MYO1H: variants seen among roughly 807,000 people sequenced by gnomAD.
MYO1H encodes the protein unconventional myosin-Ih.
MYO1H carries 118 observed loss-of-function variants against 149.3 expected under a neutral mutation model. That is an observed-to-expected ratio of 0.79 (90% confidence interval 0.68 to 0.92). The LOEUF (loss-of-function observed/expected upper bound fraction) is 0.92. MYO1H is among the 40% of genes least tolerant of loss of function. MYO1H has a pLI of 0.00. For missense variants in MYO1H, 1,212 were observed against 1,280.7 expected, an observed-to-expected ratio of 0.95 and a Z score of 0.82; for synonymous variants, 447 against 465.2, an observed-to-expected ratio of 0.96 and a Z score of 0.50.
At chr12:109,364,223 C>CAGT (rs1453920453) in intron 1 of MYO1H, among the ~76,000 whole-genome samples, 1 of 149,818 alleles carries the variant, frequency 6.7e-6, no homozygotes, top group Non-Finnish European at 1.5e-5. Flanking sequence ...ATGGGCAATC[C>CAGT]AGTACCTGTA....
chr12:109,384,558 G>A (rs373097015), intron 1 of MYO1H, among the ~76,000 whole-genome samples: 1 of 152,000 alleles, frequency 6.6e-6, no homozygotes, highest in East Asian at 1.9e-4. Context: ...GGACACTCTC[G>A]TTTTCTCACG....
chr12:109,404,940 G>A (rs1010258171), intron 7 of MYO1H, among the ~76,000 whole-genome samples: 1 of 151,548 alleles, frequency 6.6e-6, no homozygotes, highest in African/African-American at 2.4e-5. Context: ...GCCAGGTGCA[G>A]TGGCTCACAC....
chr12:109,351,623 G>C (rs1420659577), intron 1 of MYO1H, among the ~76,000 whole-genome samples: 3 of 152,186 alleles, frequency 2.0e-5, no homozygotes, highest in Non-Finnish European at 4.4e-5. Flanking sequence ...GCACACAGTA[G>C]ATGCTCAGAA....
chr12:109,406,039 A>G lies in MYO1H; in HGVS notation c.963+4A>G. ...TGAGATCAAGTGGATAGCCAAGGTG[A>G]TGCTCCTCTTTTGGAGAGGACAGAA... On this transcript the variant is annotated splice_donor_region_variant and intron_variant, in intron 8 of 31. Coordinates refer to ENST00000310903, the Ensembl canonical transcript of MYO1H. 6.2e-7 allele frequency: 1 copy of G among 1,600,286 alleles called. No individual in the cohort carries two copies. The highest frequency in any genetic ancestry group is 8.6e-7 in the Non-Finnish European group (1 of 1,167,636).
At chr12:109,319,046 C>G in the MYO1H span, among the ~76,000 whole-genome samples, 1 of 122,662 alleles carries the variant, frequency 8.2e-6, no homozygotes, top group Non-Finnish European at 1.6e-5. Flanking sequence ...TGTATTTAAT[C>G]AAGAAAATGA....
chr12:109,440,608 TA>T, intron 24 of MYO1H, 135 bp from the exon 25 acceptor site: 1 of 674,382 alleles, frequency 1.5e-6, no homozygotes, highest in Non-Finnish European at 2.6e-6. Flanking sequence ...GCTGTGACTA[TA>T]AAATATAAAA....
At chr12:109,384,248 A>G (rs895669916) in intron 1 of MYO1H, among the ~76,000 whole-genome samples, 1 of 152,198 alleles carries the variant, frequency 6.6e-6, no homozygotes, top group Non-Finnish European at 1.5e-5. Flanking sequence ...GAACCCTGTA[A>G]CAGGCAGAAT....
At chr12:109,329,856 G>A in the MYO1H span, among the ~76,000 whole-genome samples, 9 of 152,320 alleles carry the variant, frequency 5.9e-5, no homozygotes, top group South Asian at 1.5e-3. Context: ...GTATGCATTT[G>A]TTCCTAGAAT....
chr12:109,443,580 A>T (rs1282418654), exon 28 of MYO1H: 1 of 1,613,662 alleles, frequency 6.2e-7, no homozygotes, highest in African/African-American at 1.3e-5. Context: ...ACTCATTCTT[A>T]CTCAGAAAGC....
At chr12:109,342,278 A>G in the MYO1H span, among the ~76,000 whole-genome samples, 7 of 150,892 alleles carry the variant, frequency 4.6e-5, no homozygotes, top group South Asian at 1.5e-3. Context: ...CCAAGTAGCT[A>G]GGACTACAGG....
At chr12:109,361,572 G>A (rs978259832) in intron 1 of MYO1H, among the ~76,000 whole-genome samples, 9 of 152,292 alleles carry the variant, frequency 5.9e-5, no homozygotes, top group African/African-American at 1.9e-4. Flanking sequence ...TTGGGAGGCC[G>A]AGGCAGGCAG....
exon 14 of MYO1H, chr12:109,411,973 C>T: frequency 1.3e-6 from 2 of 1,595,190 alleles, no homozygotes; most frequent in South Asian, 2.3e-5. Context: ...GGCAAACATG[C>T]ACACTTCGAA....
chr12:109,321,157 T>C, the MYO1H span, among the ~76,000 whole-genome samples: 5 of 152,302 alleles, frequency 3.3e-5, no homozygotes, highest in East Asian at 1.9e-4. Context: ...TAAAGACTTA[T>C]GTTCAACTAA....
At chr12:109,418,323 T>C (rs974787248) in intron 15 of MYO1H, among the ~76,000 whole-genome samples, 1 of 152,056 alleles carries the variant, frequency 6.6e-6, no homozygotes, top group African/African-American at 2.4e-5. Flanking sequence ...ACTTTTACTT[T>C]TGGTTTGAAA....
At chr12:109,318,134 G>GT in the MYO1H span, among the ~76,000 whole-genome samples, 9 of 152,102 alleles carry the variant, frequency 5.9e-5, no homozygotes, top group Non-Finnish European at 1.2e-4. Context: ...ACAAATTTAG[G>GT]TTATAACCCA....
chr12:109,369,615 T>C (rs535341173), intron 1 of MYO1H, among the ~76,000 whole-genome samples: 2 of 152,338 alleles, frequency 1.3e-5, no homozygotes, highest in East Asian at 3.9e-4. Context: ...ACAGGACATA[T>C]GGCCAGATAT....
chr12:109,355,127 A>G (rs1398170832), intron 1 of MYO1H, among the ~76,000 whole-genome samples: 1 of 152,084 alleles, frequency 6.6e-6, no homozygotes, highest in African/African-American at 2.4e-5. Flanking sequence ...GCAGAAGTCT[A>G]TCCTGGTGGT....
intron 1 of MYO1H, among the ~76,000 whole-genome samples, chr12:109,350,609 C>T (rs546639331): frequency 1.3e-5 from 2 of 152,180 alleles, no homozygotes; most frequent in South Asian, 4.2e-4. Flanking sequence ...TTATTAGCAG[C>T]GTGAAAACGA....
intron 15 of MYO1H, among the ~76,000 whole-genome samples, chr12:109,420,648 T>C (rs1160959057): frequency 2.0e-5 from 3 of 152,040 alleles, no homozygotes; most frequent in South Asian, 2.1e-4. Context: ...TCTTCCAACA[T>C]TGGGGATTGC....
Sources: gnomAD v4.1 joint callset for allele counts (sites outside exome capture counted in the v4.1 genomes callset) on GRCh38, gnomAD v4.1.1 for gene constraint, MANE v1.5 for transcripts, NCBI Gene and HGNC (gene_info 2026-07-23, HGNC 2026-07-21) for gene names.